Variants in RAB33B observed in about 807,000 individuals in gnomAD.
RAB33B encodes the protein ras-related protein Rab-33B.
In RAB33B, 6 loss-of-function variants were observed where a neutral mutation model predicts 15.0. That is an observed-to-expected ratio of 0.40 (90% CI 0.22 to 0.79). The LOEUF is 0.79. RAB33B is among the 30% of genes least tolerant of loss of function. The probability of loss-of-function intolerance (pLI) is 0.37; values close to 1 mark genes in which losing one functional copy is unlikely to be tolerated. For missense variants in RAB33B, 257 were observed against 296.4 expected, an observed-to-expected ratio of 0.87 and a Z score of 0.98; for synonymous variants, 117 against 108.3, an observed-to-expected ratio of 1.08 and a Z score of -0.50.
intron 1 of RAB33B, among the ~76,000 whole-genome samples, chr4:139,465,410 T>A (rs951716765): frequency 3.0e-4 from 45 of 152,318 alleles, no homozygotes; most frequent in African/African-American, 9.4e-4. Context: ...TCCATTTGTC[T>A]ATTTTGGCTT....
At chr4:139,459,631 CT>C (rs377126007) in intron 1 of RAB33B, among the ~76,000 whole-genome samples, 197 of 142,550 alleles carry the variant, frequency 1.4e-3, no homozygotes, top group Middle Eastern at 3.6e-3. Flanking sequence ...TAGTTCAGTT[CT>C]TTTTTTTTTT....
chr4:139,454,006 C>G (rs998261005), upstream of RAB33B: 1 of 522,366 alleles, frequency 1.9e-6, no homozygotes. Flanking sequence ...GCGGGGCGGG[C>G]GGGTGCCACA....
chr4:139,450,504 T>C (rs1028212351), upstream of RAB33B: 2 of 152,070 alleles, frequency 1.3e-5, no homozygotes, highest in African/African-American at 2.4e-5. Context: ...AGGGAGAGGA[T>C]TTTTGTCCCC....
Position 139,473,245 on chromosome 4 carries a change from G to A in RAB33B, c.*119G>A, listed in dbSNP as rs1750427309. Reference sequence around the variant, plus strand: ...GGGTCATCTTGACACTTTGCTGTTTGTCATTGTCACGCTTTTGTATTTTGT... The same window carrying A: ...GGGTCATCTTGACACTTTGCTGTTTATCATTGTCACGCTTTTGTATTTTGT... On this transcript the variant is annotated 3_prime_UTR_variant, in exon 2 of 2. Transcript: ENST00000305626. 1 of 921,088 alleles carries A rather than the reference G, an allele frequency of 1.1e-6. No individual in the cohort carries two copies. Among genetic ancestry groups the A allele is most frequent in the South Asian group, 2.0e-5 (1 of 48,838 alleles). 57.1% of individuals were successfully genotyped at this position (921,088 alleles called of 1,614,324 possible). A position where few individuals can be genotyped will look rare whatever the true frequency, so the allele number is the denominator to read the frequency against.
chr4:139,473,897 T>C lies in RAB33B; in HGVS notation c.*771T>C, dbSNP rs1393554465. On this transcript the variant is annotated 3_prime_UTR_variant, in exon 2 of 2. Transcript: ENST00000305626. ...TTTAAAAGAGTTATTTGAGTTTCTT[T>C]CTTTCTTTTTTTTTTTTTTTTTTTT... The C allele has an allele frequency of 1.4e-5, 2 of 147,750 alleles. No individual in the cohort carries two copies. Among genetic ancestry groups the C allele is most frequent in the Non-Finnish European group, 3.0e-5 (2 of 67,424 alleles). The allele number at this position is 147,750 out of a possible 1,614,324, so 9.2% of individuals were successfully genotyped here.
intron 1 of RAB33B, among the ~76,000 whole-genome samples, chr4:139,461,903 CAA>C (rs1328468056): frequency 7.2e-6 from 1 of 138,674 alleles, no homozygotes; most frequent in Non-Finnish European, 1.6e-5. Flanking sequence ...GCCTCCATCT[CAA>C]AAAAAAAAAA....
rs974481329 is a variant in RAB33B at position 139,476,034 on chromosome 4, G to A, written c.*2908G>A. 6.6e-6 allele frequency: 1 copy of A among 152,038 alleles called. No individual in the cohort carries two copies. The highest frequency in any genetic ancestry group is 1.5e-5 in the Non-Finnish European group (1 of 67,998). 9.4% of individuals were successfully genotyped at this position (152,038 alleles called of 1,614,324 possible). A position where few individuals can be genotyped will look rare whatever the true frequency, so the allele number is the denominator to read the frequency against. ...GATACACTTTTGAAAACAACAAAAA[G>A]CCCCCAACCCATTGGACAATTATTT... On this transcript the variant is annotated 3_prime_UTR_variant, in exon 2 of 2. Transcript: ENST00000305626.
chr4:139,449,975 A>G (rs1046125130), upstream of RAB33B: 8 of 152,170 alleles, frequency 5.3e-5, no homozygotes, highest in Admixed American at 3.9e-4. Flanking sequence ...ATTCACTTAG[A>G]ATTCTTGAAG....
intron 1 of RAB33B, among the ~76,000 whole-genome samples, chr4:139,472,097 T>C (rs1750403730): frequency 6.6e-6 from 1 of 152,226 alleles, no homozygotes; most frequent in Admixed American, 6.5e-5. Context: ...ACAGTCTTGA[T>C]TACTGTAGCT....
chr4:139,440,291 G>A, the RAB33B span, among the ~76,000 whole-genome samples: 3 of 152,050 alleles, frequency 2.0e-5, no homozygotes, highest in African/African-American at 7.2e-5. Context: ...GCTCCCAAAA[G>A]GGGAAAATGA....
intron 1 of RAB33B, among the ~76,000 whole-genome samples, chr4:139,469,842 A>G (rs1299581658): frequency 2.6e-5 from 4 of 152,136 alleles, no homozygotes; most frequent in Non-Finnish European, 5.9e-5. Flanking sequence ...TTTCTTCCAA[A>G]CATACAGAGT....
chr4:139,463,773 G>A (rs73854536), intron 1 of RAB33B, among the ~76,000 whole-genome samples: 3,155 of 152,256 alleles, frequency 0.021, 98 homozygotes, highest in African/African-American at 0.07. Flanking sequence ...TTGTCCTGTC[G>A]TGTATTGGCT....
In RAB33B at chr4:139,472,773, G is replaced by T. The variant is rs150536664; in HGVS notation, c.337G>T (p.Val113Leu). ...CAGAAATGTACATGCTGTTGTCTTC[G>T]TGTATGATATGACCAACATGGCTAG... Reference protein sequence around the residue: ...YYRNVHAVVFVYDMTNMASFH... With the variant: ...YYRNVHAVVFLYDMTNMASFH... The change falls in exon 2 of 2, where the codon GTG (valine) becomes TTG (leucine). Residue 113 changes from valine (V) to leucine (L), a missense_variant. Transcript: ENST00000305626. 1 of 1,614,012 alleles carries T rather than the reference G, an allele frequency of 6.2e-7. No individual in the cohort carries two copies. Among genetic ancestry groups the T allele is most frequent in the East Asian group, 2.2e-5 (1 of 44,890 alleles).
At chr4:139,469,521 G>A (rs1210008313) in intron 1 of RAB33B, among the ~76,000 whole-genome samples, 2 of 152,188 alleles carry the variant, frequency 1.3e-5, no homozygotes, top group African/African-American at 4.8e-5. Flanking sequence ...TTCATTTGGT[G>A]AAGTCATGTT....
intron 1 of RAB33B, among the ~76,000 whole-genome samples, chr4:139,466,451 A>G (rs1750287650): frequency 6.6e-6 from 1 of 152,224 alleles, no homozygotes; most frequent in African/African-American, 2.4e-5. Flanking sequence ...GAGTTACAGA[A>G]AATGTCATTA....
chr4:139,439,120 C>T, the RAB33B span, among the ~76,000 whole-genome samples: 1 of 152,168 alleles, frequency 6.6e-6, no homozygotes, highest in Non-Finnish European at 1.5e-5. Flanking sequence ...TCATGCCATT[C>T]TCCTGGAGTA....
the RAB33B span, among the ~76,000 whole-genome samples, chr4:139,447,657 AC>A: frequency 2.5e-5 from 3 of 120,266 alleles, no homozygotes; most frequent in South Asian, 7.8e-4. Flanking sequence ...TCAGTCTACT[AC>A]TTTTTTTTTT....
At chr4:139,462,992 C>T (rs1442339550) in intron 1 of RAB33B, among the ~76,000 whole-genome samples, 1 of 152,040 alleles carries the variant, frequency 6.6e-6, no homozygotes, top group African/African-American at 2.4e-5. Context: ...ATGGAGAAAT[C>T]CCATCTCTAC....
chr4:139,470,728 G>A (rs13102840), intron 1 of RAB33B, among the ~76,000 whole-genome samples: 31,366 of 152,004 alleles, frequency 0.21, 3,564 homozygotes, highest in Non-Finnish European at 0.26. Context: ...TTCAGGGCCC[G>A]AAGGCTCTTC....
Sources: allele counts gnomAD v4.1 joint callset (sites outside exome capture counted in the v4.1 genomes callset), GRCh38; gene constraint gnomAD v4.1.1; transcripts MANE v1.5; gene names NCBI Gene and HGNC (gene_info 2026-07-23, HGNC 2026-07-21).